Variants in OSBPL8 observed in about 807,000 individuals in gnomAD.
OSBPL8 encodes the protein oxysterol binding protein like 8.
Under a neutral mutation model 125.5 loss-of-function variants are expected in OSBPL8, and 59 were observed. That is an observed-to-expected ratio of 0.47 (90% confidence interval 0.38 to 0.58). The LOEUF is 0.58. OSBPL8 is among the 20% of genes least tolerant of loss of function. OSBPL8 has a pLI of 0.00. For missense variants in OSBPL8, 758 were observed against 1,047.8 expected, an observed-to-expected ratio of 0.72 and a Z score of 3.82; for synonymous variants, 330 against 338.9, an observed-to-expected ratio of 0.97 and a Z score of 0.29.
At chr12:76,417,628 T>C (rs1022382569) in intron 4 of OSBPL8, among the ~76,000 whole-genome samples, 3 of 152,242 alleles carry the variant, frequency 2.0e-5, no homozygotes, top group Admixed American at 1.3e-4. Flanking sequence ...GTATGTCCAA[T>C]GTACTACTAG....
At chr12:76,454,211 A>G (rs1394797012) in intron 3 of OSBPL8, among the ~76,000 whole-genome samples, 1 of 152,222 alleles carries the variant, frequency 6.6e-6, no homozygotes, top group Non-Finnish European at 1.5e-5. Context: ...GTATATACCA[A>G]GAGACAAGAA....
chr12:76,446,610 A>G (rs1592697245), intron 4 of OSBPL8, among the ~76,000 whole-genome samples: 1 of 152,298 alleles, frequency 6.6e-6, no homozygotes, highest in East Asian at 1.9e-4. Flanking sequence ...AAGATACTGA[A>G]GTATAGCAAA....
intron 1 of OSBPL8, chr12:76,534,258 C>T (rs1005447571): frequency 3.3e-5 from 5 of 152,158 alleles, no homozygotes; most frequent in Non-Finnish European, 5.9e-5. Context: ...CAAAAGACTG[C>T]TTCAGGCAAG....
chr12:76,448,667 T>C (rs1435248512), intron 4 of OSBPL8, among the ~76,000 whole-genome samples: 1 of 152,234 alleles, frequency 6.6e-6, no homozygotes, highest in Non-Finnish European at 1.5e-5. Flanking sequence ...GTTCCTACCA[T>C]GCTATATGAA....
intron 2 of OSBPL8, among the ~76,000 whole-genome samples, chr12:76,475,843 A>C (rs1456939491): frequency 6.6e-6 from 1 of 152,224 alleles, no homozygotes; most frequent in African/African-American, 2.4e-5. Context: ...TTTTACTATG[A>C]GCACAAAACA....
chr12:76,543,526 T>A (rs1035395780), intron 1 of OSBPL8, among the ~76,000 whole-genome samples: 2 of 152,086 alleles, frequency 1.3e-5, no homozygotes, highest in South Asian at 2.1e-4. Flanking sequence ...CAATTAGGAG[T>A]TTACTGTCGA....
intron 1 of OSBPL8, among the ~76,000 whole-genome samples, chr12:76,489,155 G>A (rs1878457345): frequency 6.6e-6 from 1 of 152,164 alleles, no homozygotes; most frequent in East Asian, 1.9e-4. Context: ...AGCAGAGGTT[G>A]GTTCATGAGG....
intron 1 of OSBPL8, among the ~76,000 whole-genome samples, chr12:76,533,327 T>TAATC (rs370334999): frequency 1.3e-5 from 2 of 152,210 alleles, no homozygotes; most frequent in African/African-American, 4.8e-5. Context: ...CTCAGGAATG[T>TAATC]AATCTCTTCT....
chr12:76,405,282 G>A (rs1404180877), intron 5 of OSBPL8, among the ~76,000 whole-genome samples: 1 of 151,994 alleles, frequency 6.6e-6, no homozygotes, highest in African/African-American at 2.4e-5. Flanking sequence ...AACATGGTGA[G>A]ACACCGTCTC....
At chr12:76,558,022 T>C (rs1384941249) in intron 1 of OSBPL8, among the ~76,000 whole-genome samples, 3 of 152,214 alleles carry the variant, frequency 2.0e-5, no homozygotes, top group African/African-American at 7.2e-5. Flanking sequence ...CCGCAATAAC[T>C]TGATGTCCAT....
chr12:76,373,333 A>T lies in OSBPL8; in HGVS notation c.1917+11T>A. ...AATTCTTTTTGTAAAGCTCATATAC[A>T]AAATACTTACCCAATGACCTTCCAA... On this transcript the variant is annotated intron_variant, in intron 18 of 23. Coordinates refer to ENST00000261183, the MANE Select transcript of OSBPL8 (RefSeq NM_020841.5). 6.5e-7 allele frequency: 1 copy of T among 1,546,102 alleles called. No individual in the cohort carries two copies. Among genetic ancestry groups the T allele is most frequent in the Non-Finnish European group, 8.8e-7 (1 of 1,133,912 alleles).
intron 1 of OSBPL8, among the ~76,000 whole-genome samples, chr12:76,502,011 C>A (rs1440694736): frequency 1.6e-4 from 25 of 152,216 alleles, no homozygotes; most frequent in Admixed American, 7.2e-4. Flanking sequence ...AGCAATGAAT[C>A]CATGCTCAGG....
chr12:76,529,550 T>C (rs561516525), intron 1 of OSBPL8, among the ~76,000 whole-genome samples: 11 of 152,158 alleles, frequency 7.2e-5, no homozygotes, highest in African/African-American at 2.4e-4. Context: ...AAAAAATTCT[T>C]ATTTAAGCCA....
At chr12:76,462,962 A>C (rs552766441) in intron 2 of OSBPL8, among the ~76,000 whole-genome samples, 5 of 152,334 alleles carry the variant, frequency 3.3e-5, no homozygotes, top group African/African-American at 9.6e-5. Context: ...AACAGATGTC[A>C]GGTTGTATAG....
chr12:76,483,796 T>TCCCGGGTAGCTGGGATTACAGGTG (rs1877827145), intron 2 of OSBPL8, among the ~76,000 whole-genome samples: 1 of 142,774 alleles, frequency 7.0e-6, no homozygotes. Context: ...TGTCTCAGCC[T>TCCCGGGTAGCTGGGATTACAGGTG]CCCGGGTAGC....
rs76052306 is a variant in OSBPL8 at position 76,394,694 on chromosome 12, T to C, written c.708A>G (p.Gln236=). 1.7e-4 allele frequency: 274 copies of C among 1,612,778 alleles called. 1 individual carries two copies. In the African/African-American group the frequency reaches 3.5e-3, roughly 20 times the overall value. The change falls in exon 9 of 24, where the codon CAA becomes CAG. Residue 236 remains glutamine (Q), a synonymous_variant. Coordinates refer to ENST00000261183, the MANE Select transcript of OSBPL8 (RefSeq NM_020841.5). ...TGATCAAATAACTGCTAGGTAAGGG[T>C]TGAGTAATGGATCCAACCGCTTCAC... ...PKGEAVGSIT[Q]PLPSSYLIIR... is the part of the protein sequence containing the mutation.
intron 2 of OSBPL8, among the ~76,000 whole-genome samples, chr12:76,469,759 A>G (rs1338687208): frequency 6.6e-6 from 1 of 152,138 alleles, no homozygotes; most frequent in Non-Finnish European, 1.5e-5. Context: ...TCATATTTAT[A>G]TATTTTTTCT....
At chr12:76,501,836 C>T (rs1418545990) in intron 1 of OSBPL8, among the ~76,000 whole-genome samples, 4 of 152,242 alleles carry the variant, frequency 2.6e-5, no homozygotes, top group South Asian at 2.1e-4. Context: ...GCTTCCATCA[C>T]GAAGGGGCAG....
intron 5 of OSBPL8, among the ~76,000 whole-genome samples, chr12:76,406,198 A>T (rs1490257623): frequency 6.6e-6 from 1 of 152,216 alleles, no homozygotes; most frequent in East Asian, 1.9e-4. Context: ...TTTATTTATG[A>T]AAATACTTTG....
Sources: gnomAD v4.1 joint callset for allele counts (sites outside exome capture counted in the v4.1 genomes callset) on GRCh38, gnomAD v4.1.1 for gene constraint, MANE v1.5 for transcripts, NCBI Gene and HGNC (gene_info 2026-07-23, HGNC 2026-07-21) for gene names.